ZFYVE28: variants seen among roughly 807,000 people sequenced by gnomAD.
ZFYVE28 encodes the protein zinc finger FYVE-type containing 28.
Under a neutral mutation model 82.1 loss-of-function variants are expected in ZFYVE28, and 40 were observed. The observed-to-expected ratio is 0.49, with a 90% CI of 0.38 to 0.63. ZFYVE28 has a LOEUF of 0.63. Ranked by LOEUF, ZFYVE28 falls within the 30% of genes least tolerant of loss-of-function variation. The probability of loss-of-function intolerance (pLI) is 0.00; values close to 1 mark genes in which losing one functional copy is unlikely to be tolerated. For missense variants in ZFYVE28, 1,321 were observed against 1,242.1 expected, an observed-to-expected ratio of 1.06 and a Z score of -0.96; for synonymous variants, 612 against 546.1, an observed-to-expected ratio of 1.12 and a Z score of -1.68.
At chr4:2,397,471 CAAAAAAAA>C (rs35358830) in intron 1 of ZFYVE28, among the ~76,000 whole-genome samples, 1 of 98,258 alleles carries the variant, frequency 1.0e-5, no homozygotes, top group South Asian at 3.6e-4. Context: ...GACTCGGTCT[CAAAAAAAA>C]AAAAAAAAAA....
intron 8 of ZFYVE28, among the ~76,000 whole-genome samples, chr4:2,289,174 C>G (rs1489349584): frequency 6.6e-6 from 1 of 152,074 alleles, no homozygotes; most frequent in Non-Finnish European, 1.5e-5. Flanking sequence ...CCCAGCTAGT[C>G]TGGTGGCTGA....
intron 1 of ZFYVE28, among the ~76,000 whole-genome samples, chr4:2,361,522 G>A (rs191316732): frequency 3.2e-4 from 49 of 152,262 alleles, no homozygotes; most frequent in Admixed American, 2.7e-3. Flanking sequence ...GAGTTTACAC[G>A]CACTACCCCA....
chr4:2,279,209 A>G (rs1711570729), intron 8 of ZFYVE28, among the ~76,000 whole-genome samples: 1 of 152,220 alleles, frequency 6.6e-6, no homozygotes, highest in East Asian at 1.9e-4. Context: ...AGGCGAGAGG[A>G]TCACTTGACA....
Position 2,270,024 on chromosome 4 carries a change from G to A in ZFYVE28, c.*701C>T, listed in dbSNP as rs1295105968. On this transcript the variant is annotated 3_prime_UTR_variant, in exon 13 of 13. Transcript: ENST00000290974. ...CCAAGGCCCCGAGCAACCTCTGCCTGCGGTGTCAGTGCCTGGTCGGACCCC... is the reference window on the plus strand; with the variant it reads ...CCAAGGCCCCGAGCAACCTCTGCCTACGGTGTCAGTGCCTGGTCGGACCCC... The A allele has an allele frequency of 6.6e-6, 1 of 152,380 alleles. No individual in the cohort carries two copies. Among genetic ancestry groups the A allele is most frequent in the African/African-American group, 2.4e-5 (1 of 41,448 alleles). The allele number at this position is 152,380 out of a possible 1,614,324, so 9.4% of individuals were successfully genotyped here.
At chr4:2,355,222 AT>A (rs1560269615) in intron 1 of ZFYVE28, among the ~76,000 whole-genome samples, 260 of 10,614 alleles carry the variant, frequency 0.024, 54 homozygotes, top group African/African-American at 0.089. Context: ...ATATATATAT[AT>A]ATATATATAT....
intron 10 of ZFYVE28, 105 bp downstream of exon 10, chr4:2,273,068 T>C: frequency 1.1e-6 from 1 of 934,956 alleles, no homozygotes; most frequent in Non-Finnish European, 1.6e-6. Context: ...GTCGGGACCC[T>C]ATCTCCCCAG....
chr4:2,332,179 C>T lies in ZFYVE28; in HGVS notation c.701+3526G>A, dbSNP rs1056088676. On this transcript the variant is annotated intron_variant, in intron 6 of 12. Transcript: ENST00000290974. This position sits in a 1 kb window ranked among gnomAD's most constrained non-coding sequence, Gnocchi z 4.7. ...CTCCACCCTCAGCTCCTGCCCCGCT[C>T]AGCACCCCTGCCTCCCCTCTGCTCT... Among the ~76,000 whole-genome samples the T allele has an allele frequency of 1.3e-5, 2 of 152,172 alleles. No individual in the cohort carries two copies. Among genetic ancestry groups the T allele is most frequent in the East Asian group, 3.9e-4 (2 of 5,182 alleles).
At chr4:2,371,132 A>C (rs1288388789) in intron 1 of ZFYVE28, among the ~76,000 whole-genome samples, 1 of 152,080 alleles carries the variant, frequency 6.6e-6, no homozygotes, top group African/African-American at 2.4e-5. Flanking sequence ...GAAGATGGGG[A>C]GCTCACGTGG....
intron 1 of ZFYVE28, among the ~76,000 whole-genome samples, chr4:2,402,125 T>G (rs1731250565): frequency 1.3e-5 from 2 of 152,298 alleles, no homozygotes; most frequent in South Asian, 2.1e-4. Context: ...GAGGAGGGAC[T>G]TGCTCAGCTG....
intron 1 of ZFYVE28, among the ~76,000 whole-genome samples, chr4:2,369,271 C>T (rs1578280585): frequency 6.6e-6 from 1 of 152,220 alleles, no homozygotes; most frequent in Non-Finnish European, 1.5e-5. Flanking sequence ...CCAGGCTGTT[C>T]CATCTGGTGA....
At chr4:2,356,593 C>T (rs1253583030) in intron 1 of ZFYVE28, among the ~76,000 whole-genome samples, 5 of 152,230 alleles carry the variant, frequency 3.3e-5, no homozygotes, top group African/African-American at 9.6e-5. Context: ...AAACACATTC[C>T]CTCCATGGGC....
At chr4:2,314,750 T>C (rs1203716052) in intron 7 of ZFYVE28, among the ~76,000 whole-genome samples, 2 of 152,196 alleles carry the variant, frequency 1.3e-5, no homozygotes, top group Admixed American at 1.3e-4. Flanking sequence ...AATATTCACT[T>C]ATGTTAACCC....
chr4:2,338,488 G>A (rs1235793981), intron 4 of ZFYVE28, among the ~76,000 whole-genome samples: 1 of 152,184 alleles, frequency 6.6e-6, no homozygotes, highest in Non-Finnish European at 1.5e-5. Context: ...AGCTACTTGG[G>A]AGGCCGAGGC....
intron 1 of ZFYVE28, among the ~76,000 whole-genome samples, chr4:2,368,940 T>C (rs1244209089): frequency 6.6e-6 from 1 of 152,246 alleles, no homozygotes; most frequent in Non-Finnish European, 1.5e-5. Context: ...GCAGTTGGTG[T>C]GGCAGGGCTC....
intron 6 of ZFYVE28, chr4:2,328,953 A>G (rs1720278586): frequency 2.0e-6 from 1 of 504,770 alleles, no homozygotes; most frequent in African/African-American, 1.9e-5. Flanking sequence ...GGGTTTATTT[A>G]TGGCTTCTCA....
At chr4:2,333,508 C>T (rs557206457) in intron 6 of ZFYVE28, among the ~76,000 whole-genome samples, 1 of 151,890 alleles carries the variant, frequency 6.6e-6, no homozygotes, top group Non-Finnish European at 1.5e-5. Context: ...TGTGAAAGTC[C>T]CGAAACACAG....
At chr4:2,410,002 T>C (rs1180954464) in intron 1 of ZFYVE28, among the ~76,000 whole-genome samples, 2 of 152,224 alleles carry the variant, frequency 1.3e-5, no homozygotes, top group Non-Finnish European at 2.9e-5. Flanking sequence ...TCAGGAACCA[T>C]GGCTCTGGGC....
rs547198907 is a variant in ZFYVE28, at chr4:2,304,688, T to C, written c.1652A>G (p.Lys551Arg). 6.2e-7 allele frequency: 1 copy of C among 1,612,566 alleles called. No homozygotes were observed. Among genetic ancestry groups the C allele is most frequent in the African/African-American group, 1.3e-5 (1 of 75,044 alleles). The change falls in exon 8 of 13, where the codon AAG becomes AGG. Residue 551 changes from lysine (K) to arginine (R), a missense_variant. Physicochemically the swap from Lys to Arg is conservative, Grantham distance 26 (BLOSUM62 2). This residue lies in a region of ZFYVE28 where 978 missense variants were observed against 833.7 expected (regional missense o/e 1.17). Coordinates refer to ENST00000290974, the MANE Select transcript of ZFYVE28 (RefSeq NM_020972.3). ...VAEGMDGGPHKLSTGATNCLL... is the reference protein window; with the variant it reads ...VAEGMDGGPHRLSTGATNCLL... Reference sequence around the variant, plus strand: ...GCAGTTGGTGGCCCCAGTGCTAAGCTTGTGGGGGCCGCCATCCATCCCCTC... The same window carrying C: ...GCAGTTGGTGGCCCCAGTGCTAAGCCTGTGGGGGCCGCCATCCATCCCCTC...
intron 12 of ZFYVE28, 48 bp downstream of exon 12, chr4:2,271,263 G>A: frequency 6.4e-7 from 1 of 1,569,990 alleles, no homozygotes; most frequent in South Asian, 1.1e-5. Context: ...TCTGTCCGTG[G>A]ACGCCCTTGG....
Sources: gnomAD v4.1 joint callset for allele counts (sites outside exome capture counted in the v4.1 genomes callset) on GRCh38, gnomAD v4.1.1 for gene constraint, gnomAD v4.1.1 regional missense constraint, Gnocchi (gnomAD v3.1) non-coding constraint, MANE v1.5 for transcripts, NCBI Gene and HGNC (gene_info 2026-07-23, HGNC 2026-07-21) for gene names.